Variants in DNAI3 observed in about 807,000 individuals in gnomAD.
DNAI3 encodes WD repeat domain 63.
A neutral mutation model predicts 115.5 loss-of-function variants in DNAI3; 83 were observed. The ratio of observed to expected loss-of-function variants is 0.72; its 90% CI spans 0.60 to 0.86. The LOEUF (loss-of-function observed/expected upper bound fraction) is 0.86. Among genes scored for constraint, DNAI3 ranks in the 40% least tolerant of loss-of-function variants. DNAI3 has a pLI of 0.00. For synonymous variants in DNAI3, 320 were observed against 347.0 expected (o/e 0.92, Z 0.86); for missense variants, 1,004 against 1,075.8 (o/e 0.93, Z 0.93).
At chr1:85,069,271 T>C (rs948053028) in intron 1 of DNAI3, among the ~76,000 whole-genome samples, 7 of 152,214 alleles carry the variant, frequency 4.6e-5, no homozygotes, top group Non-Finnish European at 1.0e-4. Context: ...CTCTCCCAGA[T>C]ATCTGTGTTT....
Position 85,081,359 on chromosome 1 carries a change from G to A in DNAI3, c.229G>A (p.Asp77Asn), listed in dbSNP as rs1276084617. 1 of 1,603,242 alleles carries A rather than the reference G, an allele frequency of 6.2e-7. No homozygotes were observed. Among genetic ancestry groups the A allele is most frequent in the Non-Finnish European group, 8.5e-7 (1 of 1,176,524 alleles). ...KLINKEDIFEDLRNRAAVSDF... is the reference protein window; with the variant it reads ...KLINKEDIFENLRNRAAVSDF... ...TATCAATAAAGAAGACATTTTTGAG[G>A]ACCTGCGCAACAGAGCTGCAGTATC... Residue 77 changes from aspartate (D) to asparagine (N), a missense_variant, in exon 4 of 23, where the codon GAC becomes AAC. By Grantham distance (23) the Asp-to-Asn change is conservative. Around this residue, in one of 3 missense-constraint regions of DNAI3, gnomAD observed 550 missense variants for 568.1 expected, o/e 0.97. Transcript: ENST00000294664.
intron 7 of DNAI3, 45 bp from the exon 8 acceptor site, chr1:85,090,071 T>G (rs773782923): frequency 9.3e-6 from 10 of 1,079,938 alleles, no homozygotes; most frequent in Middle Eastern, 2.2e-4. Context: ...TATTTGCTCT[T>G]CTTTGACCTA....
intron 17 of DNAI3, among the ~76,000 whole-genome samples, chr1:85,118,704 G>C (rs1360270439): frequency 6.6e-6 from 1 of 152,098 alleles, no homozygotes; most frequent in Non-Finnish European, 1.5e-5. Flanking sequence ...GAATAGCATG[G>C]TCCCTCTCTC....
At chr1:85,085,113 C>A (rs757137534) in intron 6 of DNAI3, among the ~76,000 whole-genome samples, 1 of 152,048 alleles carries the variant, frequency 6.6e-6, no homozygotes, top group African/African-American at 2.4e-5. Context: ...GATACACAAA[C>A]CAAGGAACAC....
intron 3 of DNAI3, among the ~76,000 whole-genome samples, chr1:85,077,816 G>A (rs769815667): frequency 1.3e-5 from 2 of 151,576 alleles, no homozygotes; most frequent in Admixed American, 6.6e-5. Context: ...GCAGTTTATC[G>A]TTTGTCAATT....
At chr1:85,082,589 C>T (rs564657756) in intron 5 of DNAI3, among the ~76,000 whole-genome samples, 185 bp downstream of exon 5, 2 of 152,220 alleles carry the variant, frequency 1.3e-5, no homozygotes, top group East Asian at 1.9e-4. Context: ...AGACTACAGG[C>T]GTGCACCACC....
intron 15 of DNAI3, among the ~76,000 whole-genome samples, chr1:85,108,662 G>T (rs1329936175): frequency 6.6e-6 from 1 of 152,066 alleles, no homozygotes; most frequent in East Asian, 1.9e-4. Context: ...GTGCAGGTTT[G>T]TCCCATGGTT....
intron 19 of DNAI3, 136 bp from the exon 20 acceptor site, chr1:85,126,375 A>C (rs1656134297): frequency 1.1e-6 from 1 of 870,064 alleles, no homozygotes; most frequent in Non-Finnish European, 1.7e-6. Flanking sequence ...AAAGAGAAGT[A>C]AGACTTCCTG....
chr1:85,092,503 T>TTTAC (rs1655007940), intron 8 of DNAI3, among the ~76,000 whole-genome samples: 2 of 152,022 alleles, frequency 1.3e-5, no homozygotes, highest in African/African-American at 4.8e-5. Context: ...TGGGTGGCAT[T>TTTAC]CTAATTGTGG....
Position 85,084,567 on chromosome 1 carries a change from C to A in DNAI3, c.412C>A (p.Gln138Lys). The A allele has an allele frequency of 6.7e-7, 1 of 1,482,046 alleles. No individual in the cohort carries two copies. Among genetic ancestry groups the A allele is most frequent in the Non-Finnish European group, 9.0e-7 (1 of 1,114,252 alleles). The allele number at this position is 1,482,046 out of a possible 1,614,324, so 91.8% of individuals were successfully genotyped here. A position where few individuals can be genotyped will look rare whatever the true frequency, so the allele number is the denominator to read the frequency against. ...YLNPPEVPEE[Q>K]EEYKEHIPED... ...TTAGCCCCCAGAAGTACCAGAAGAA[C>A]AAGAAGAATATAAAGAACATATTCC... The change falls in exon 6 of 23, where the codon CAA becomes AAA. Residue 138 changes from glutamine (Q) to lysine (K), a missense_variant. Physicochemically the swap from Gln to Lys is moderately conservative, Grantham distance 53. Around this residue, in one of 3 missense-constraint regions of DNAI3, gnomAD observed 550 missense variants for 568.1 expected, o/e 0.97. Coordinates refer to ENST00000294664, the MANE Select transcript of DNAI3 (RefSeq NM_145172.5).
intron 16 of DNAI3, 49 bp from the exon 17 acceptor site, chr1:85,117,680 G>T (rs1459260020): frequency 1.3e-6 from 2 of 1,595,694 alleles, no homozygotes; most frequent in African/African-American, 1.3e-5. Flanking sequence ...TATTTTAAAA[G>T]ATGTTTCCCT....
intron 13 of DNAI3, among the ~76,000 whole-genome samples, chr1:85,103,565 A>G (rs1224323603): frequency 2.0e-5 from 3 of 152,194 alleles, no homozygotes; most frequent in Admixed American, 1.3e-4. Context: ...AAATGGTGGT[A>G]TATCATCCGT....
At chr1:85,096,822 C>T (rs948968791) in intron 11 of DNAI3, among the ~76,000 whole-genome samples, 5 of 152,098 alleles carry the variant, frequency 3.3e-5, no homozygotes. Flanking sequence ...AATTTTTTCT[C>T]CCTCAGTTTT....
intron 3 of DNAI3, among the ~76,000 whole-genome samples, chr1:85,073,894 C>A (rs993504797): frequency 6.6e-6 from 1 of 151,974 alleles, no homozygotes; most frequent in African/African-American, 2.4e-5. Context: ...TGGGCCAGGG[C>A]AGTAGAGGGG....
intron 10 of DNAI3, among the ~76,000 whole-genome samples, chr1:85,095,224 T>G (rs1409342406): frequency 6.6e-6 from 1 of 152,178 alleles, no homozygotes; most frequent in African/African-American, 2.4e-5. Flanking sequence ...GCCTAGTGGG[T>G]GGGTGGTGTA....
At chr1:85,105,095 T>C (rs1290284265) in intron 14 of DNAI3, among the ~76,000 whole-genome samples, 1 of 152,192 alleles carries the variant, frequency 6.6e-6, no homozygotes, top group Admixed American at 6.5e-5. Flanking sequence ...ACAGGAAATA[T>C]GAAGAGTAAT....
intron 20 of DNAI3, among the ~76,000 whole-genome samples, chr1:85,128,125 C>CAAAA (rs11344833): frequency 1.5e-3 from 94 of 64,392 alleles, no homozygotes; most frequent in Non-Finnish European, 1.9e-3. Context: ...GACCCTGTCT[C>CAAAA]AAAAAAAAAA....
chr1:85,130,702 TAGATAGATAGA>T (rs1295581842), intron 22 of DNAI3, among the ~76,000 whole-genome samples: 1 of 148,186 alleles, frequency 6.7e-6, no homozygotes, highest in African/African-American at 2.5e-5. Flanking sequence ...GATAGATAGA[TAGATAGATAGA>T]TAGATAAATA....
At chr1:85,110,168 AAG>A in intron 16 of DNAI3, 33 bp downstream of exon 16, 1 of 1,570,112 alleles carries the variant, frequency 6.4e-7, no homozygotes, top group Non-Finnish European at 8.7e-7. Flanking sequence ...AAAAAAAAAA[AAG>A]GCCGGGCGCG....
Sources: allele counts gnomAD v4.1 joint callset (sites outside exome capture counted in the v4.1 genomes callset), GRCh38; gene constraint gnomAD v4.1.1; regional missense constraint gnomAD v4.1.1; transcripts MANE v1.5; gene names NCBI Gene and HGNC (gene_info 2026-07-23, HGNC 2026-07-21).